UBE2W: variants seen among roughly 807,000 people sequenced by gnomAD.
UBE2W encodes ubiquitin-conjugating enzyme E2 W.
A neutral mutation model predicts 27.2 loss-of-function variants in UBE2W; 18 were observed. The observed-to-expected ratio is 0.66, with a 90% CI of 0.46 to 0.98. The LOEUF (loss-of-function observed/expected upper bound fraction) is 0.98, where lower values mean the gene tolerates loss of function less well. Ranked by LOEUF, UBE2W falls within the 50% of genes least tolerant of loss-of-function variation. The pLI is 0.00. For synonymous variants in UBE2W, 53 were observed against 57.2 expected (o/e 0.93, Z 0.33); for missense variants, 90 against 180.2 (o/e 0.50, Z 2.87).
chr8:73,816,051 G>C (rs138046539), intron 3 of UBE2W, among the ~76,000 whole-genome samples: 7 of 152,268 alleles, frequency 4.6e-5, no homozygotes, highest in Non-Finnish European at 1.0e-4. Context: ...TCTTAGCATA[G>C]CTTTCCATTC....
chr8:73,867,344 G>C (rs1350837927), intron 1 of UBE2W, among the ~76,000 whole-genome samples: 1 of 152,138 alleles, frequency 6.6e-6, no homozygotes, highest in Non-Finnish European at 1.5e-5. Context: ...AGACTATCCT[G>C]GCCAACACGG....
At chr8:73,816,510 G>A (rs1355022378) in intron 3 of UBE2W, among the ~76,000 whole-genome samples, 2 of 152,154 alleles carry the variant, frequency 1.3e-5, no homozygotes, top group Admixed American at 6.5e-5. Context: ...AAAAGGGTCC[G>A]TGGTAAGGAG....
Position 73,794,009 on chromosome 8 carries a change from TC to T in UBE2W, c.*92del, listed in dbSNP as rs1808307929. 1.3e-6 allele frequency: 2 copies of T among 1,585,240 alleles called. No individual in the cohort carries two copies. Among genetic ancestry groups the T allele is most frequent in the South Asian group, 2.3e-5 (2 of 85,910 alleles). On this transcript the variant is annotated 3_prime_UTR_variant, in exon 6 of 6. Transcript: ENST00000602593. ...TAGTCTTCATTGCCTATAGGTCACT[TC>T]CAGTCAAAGGTTAAAGTTCAAAGAC...
intron 1 of UBE2W, among the ~76,000 whole-genome samples, chr8:73,851,870 G>A (rs1449429287): frequency 6.6e-6 from 1 of 151,424 alleles, no homozygotes; most frequent in Non-Finnish European, 1.5e-5. Context: ...GTGGCTTCTT[G>A]GCCTATAATC....
At chr8:73,875,584 C>G (rs1035774422) in intron 1 of UBE2W, among the ~76,000 whole-genome samples, 3 of 116,832 alleles carry the variant, frequency 2.6e-5, no homozygotes, top group African/African-American at 1.1e-4. Flanking sequence ...GTAACTTCAG[C>G]AGCAGCAGCA....
rs953031780 is a variant in UBE2W at position 73,791,973 on chromosome 8, T to C, written c.*2129A>G. ...GTTAATCTTTGACTCAGTATATTAA[T>C]TCCTTTGGTGAATAAATGTCACCGG... On this transcript the variant is annotated 3_prime_UTR_variant, in exon 6 of 6. Transcript: ENST00000602593. The C allele has an allele frequency of 2.0e-6, 2 of 985,182 alleles. No homozygotes were observed. Among genetic ancestry groups the C allele is most frequent in the Non-Finnish European group, 2.4e-6 (2 of 829,812 alleles). The allele number at this position is 985,182 out of a possible 1,614,324, so 61.0% of individuals were successfully genotyped here.
intron 1 of UBE2W, among the ~76,000 whole-genome samples, chr8:73,847,961 G>C (rs1810888224): frequency 6.6e-6 from 1 of 152,094 alleles, no homozygotes; most frequent in Non-Finnish European, 1.5e-5. Flanking sequence ...CAGCACTTTG[G>C]GAGGCTGAGG....
At chr8:73,861,748 C>G (rs1311992465) in intron 1 of UBE2W, among the ~76,000 whole-genome samples, 1 of 152,208 alleles carries the variant, frequency 6.6e-6, no homozygotes, top group Non-Finnish European at 1.5e-5. Flanking sequence ...GCCTATGGAA[C>G]CGCCCCATAG....
At chr8:73,784,044 CCT>C (rs1807892766), downstream of UBE2W, among the ~76,000 whole-genome samples, 1 of 152,182 alleles carries the variant, frequency 6.6e-6, no homozygotes, top group Non-Finnish European at 1.5e-5. Flanking sequence ...AGCCACCACA[CCT>C]GGCCATAACA....
chr8:73,867,617 A>G (rs973268465), intron 1 of UBE2W, among the ~76,000 whole-genome samples: 13 of 152,050 alleles, frequency 8.5e-5, no homozygotes, highest in Non-Finnish European at 1.3e-4. Flanking sequence ...AGGCTGAGGC[A>G]GGAGAATCGC....
At position 73,839,333 on chromosome 8, in the gene UBE2W, A is replaced by C. The variant is rs545140799; in HGVS notation, c.16-8861T>G. Among the ~76,000 whole-genome samples the C allele has an allele frequency of 3.0e-4, 43 of 142,726 alleles. No individual in the cohort carries two copies. The East Asian group carries it at 8.2e-3, about 27-fold the overall frequency. 93.6% of individuals were successfully genotyped at this position (142,726 alleles called of 152,430 possible). A position where few individuals can be genotyped will look rare whatever the true frequency, so the allele number is the denominator to read the frequency against. ...TTTGAATCATGGAAGACATTTTTTTAAAATGCTCCTAGTTAAAAAAAAAAA... is the reference window on the plus strand; with the variant it reads ...TTTGAATCATGGAAGACATTTTTTTCAAATGCTCCTAGTTAAAAAAAAAAA... On this transcript the variant is annotated intron_variant, in intron 1 of 5. Transcript: ENST00000602593.
At chr8:73,823,140 A>T (rs1389642114) in intron 3 of UBE2W, among the ~76,000 whole-genome samples, 1 of 152,182 alleles carries the variant, frequency 6.6e-6, no homozygotes, top group African/African-American at 2.4e-5. Flanking sequence ...CACAGTGCTG[A>T]ATAAAGAACC....
chr8:73,875,320 A>G (rs1047921451), intron 1 of UBE2W, among the ~76,000 whole-genome samples: 1 of 152,178 alleles, frequency 6.6e-6, no homozygotes, highest in Non-Finnish European at 1.5e-5. Context: ...AGGTGCTTCT[A>G]GCCTCCCAAT....
downstream of UBE2W, among the ~76,000 whole-genome samples, chr8:73,783,500 T>G (rs1412021313): frequency 6.6e-6 from 1 of 152,220 alleles, no homozygotes; most frequent in Non-Finnish European, 1.5e-5. Context: ...GAAAATCAAT[T>G]GACCGTATTT....
At chr8:73,877,269 T>C (rs1812272637) in intron 1 of UBE2W, among the ~76,000 whole-genome samples, 1 of 152,248 alleles carries the variant, frequency 6.6e-6, no homozygotes, top group Admixed American at 6.5e-5. Flanking sequence ...CTGTTCCTTT[T>C]TTGGCCTCAA....
chr8:73,813,109 A>AAAAAAAAAAAAG (rs1554580723), intron 3 of UBE2W, among the ~76,000 whole-genome samples: 1 of 143,062 alleles, frequency 7.0e-6, no homozygotes, highest in African/African-American at 2.6e-5. Context: ...AAAAAAAAAA[A>AAAAAAAAAAAAG]GAACAACTGC....
chr8:73,854,582 A>G (rs1441871640), intron 1 of UBE2W, among the ~76,000 whole-genome samples: 1 of 152,230 alleles, frequency 6.6e-6, no homozygotes, highest in Non-Finnish European at 1.5e-5. Flanking sequence ...TCCAGTGAAC[A>G]TAAAATCTAG....
chr8:73,852,590 A>AT (rs900255763), intron 1 of UBE2W, among the ~76,000 whole-genome samples: 3 of 152,008 alleles, frequency 2.0e-5, no homozygotes, highest in Non-Finnish European at 4.4e-5. Context: ...GGAAGAATAA[A>AT]TTTTTTTTCT....
At chr8:73,800,859 C>T (rs894680599) in intron 5 of UBE2W, among the ~76,000 whole-genome samples, 2 of 152,066 alleles carry the variant, frequency 1.3e-5, no homozygotes, top group African/African-American at 4.8e-5. Context: ...TTTGGGAGGC[C>T]GAGGGGGCAG....
Sources: allele counts gnomAD v4.1 joint callset (sites outside exome capture counted in the v4.1 genomes callset), GRCh38; gene constraint gnomAD v4.1.1; transcripts MANE v1.5; gene names NCBI Gene and HGNC (gene_info 2026-07-23, HGNC 2026-07-21).